NSMCE2: variants seen among roughly 807,000 people sequenced by gnomAD.
NSMCE2 encodes the protein E3 SUMO-protein ligase NSE2.
A neutral mutation model predicts 23.8 loss-of-function variants in NSMCE2; 24 were observed. The observed-to-expected ratio is 1.01, with a 90% CI of 0.73 to 1.42. The LOEUF is 1.42. Among genes scored for constraint, NSMCE2 ranks in the 40% most tolerant of loss-of-function variants. The pLI is 0.00. For missense variants in NSMCE2, 284 were observed against 296.5 expected (o/e 0.96, Z 0.31); for synonymous variants, 92 against 94.1 (o/e 0.98, Z 0.13).
chr8:125,269,049 C>G (rs1490765107), intron 5 of NSMCE2, among the ~76,000 whole-genome samples: 3 of 151,932 alleles, frequency 2.0e-5, no homozygotes, highest in African/African-American at 4.8e-5. Context: ...TGCTTATTAC[C>G]CAAAATGGAT....
At chr8:125,255,915 C>A (rs144307876) in intron 5 of NSMCE2, among the ~76,000 whole-genome samples, 1 of 151,934 alleles carries the variant, frequency 6.6e-6, no homozygotes, top group Admixed American at 6.6e-5. Flanking sequence ...ATTAAGACTG[C>A]GAGGGTGAGG....
At chr8:125,274,560 G>A (rs1015478692) in intron 5 of NSMCE2, among the ~76,000 whole-genome samples, 9 of 151,986 alleles carry the variant, frequency 5.9e-5, no homozygotes, top group Admixed American at 1.3e-4. Flanking sequence ...ATTTTTATTT[G>A]CCTATTTAGG....
chr8:125,144,153 C>T (rs7827336), intron 3 of NSMCE2, among the ~76,000 whole-genome samples: 5 of 152,088 alleles, frequency 3.3e-5, no homozygotes, highest in Non-Finnish European at 7.4e-5. Flanking sequence ...CATGTACTAC[C>T]GGACCTGTTT....
At chr8:125,308,322 G>A (rs976584407) in intron 5 of NSMCE2, among the ~76,000 whole-genome samples, 1 of 152,006 alleles carries the variant, frequency 6.6e-6, no homozygotes, top group East Asian at 1.9e-4. Flanking sequence ...GTTTTGGGGG[G>A]AAAAAATCCT....
chr8:125,271,426 A>G (rs1282299481), intron 5 of NSMCE2, among the ~76,000 whole-genome samples: 1 of 152,208 alleles, frequency 6.6e-6, no homozygotes, highest in Non-Finnish European at 1.5e-5. Context: ...TGGAAGAGAT[A>G]GGTGGAAATA....
At chr8:125,346,284 G>T (rs1282472841) in intron 5 of NSMCE2, among the ~76,000 whole-genome samples, 1 of 152,214 alleles carries the variant, frequency 6.6e-6, no homozygotes, top group East Asian at 1.9e-4. Flanking sequence ...AAATGTTGGG[G>T]GTTTGAAGTA....
chr8:125,364,529 T>A (rs1005842424), intron 7 of NSMCE2, among the ~76,000 whole-genome samples: 3 of 152,222 alleles, frequency 2.0e-5, no homozygotes, highest in African/African-American at 7.2e-5. Flanking sequence ...CAGAGCTCTG[T>A]GTGGGCAGGA....
chr8:125,170,376 CTTTTTTTTTTTTTTTTTT>C (rs565593006), intron 4 of NSMCE2, among the ~76,000 whole-genome samples: 1,335 of 37,848 alleles, frequency 0.035, 28 homozygotes, highest in Non-Finnish European at 0.047. Context: ...CTCTTTATTT[CTTTTTTTTTTTTTTTTTT>C]TTTTTTTTTT....
chr8:125,108,899 T>G (rs1352979630), intron 3 of NSMCE2, among the ~76,000 whole-genome samples: 5 of 152,188 alleles, frequency 3.3e-5, no homozygotes, highest in Non-Finnish European at 5.9e-5. Context: ...GCCTATAATG[T>G]GATGCTTTGC....
Position 125,330,177 on chromosome 8 carries a change from C to CTTTTTTT in NSMCE2, c.419-27039_419-27038insTTTTTTT, listed in dbSNP as rs34345598. ...AAACAGAACTAACTTTTTCTTTTTT[C>CTTTTTTT]TTTCTTTTTTTTTTTTTTTGAGACA... On this transcript the variant is annotated intron_variant, in intron 5 of 7. Transcript: ENST00000287437. Among the ~76,000 whole-genome samples the CTTTTTTT allele has an allele frequency of 2.6e-4, 31 of 119,108 alleles. 3 individuals carry two copies. Among genetic ancestry groups the CTTTTTTT allele is most frequent in the Non-Finnish European group, 4.1e-4 (25 of 61,524 alleles). The allele number at this position is 119,108 out of a possible 152,430, so 78.1% of individuals were successfully genotyped here.
intron 4 of NSMCE2, among the ~76,000 whole-genome samples, chr8:125,159,741 C>G (rs757648765): frequency 2.0e-5 from 3 of 152,156 alleles, no homozygotes; most frequent in Non-Finnish European, 2.9e-5. Context: ...TGGTGGATCA[C>G]TTGCGGTCAG....
At chr8:125,340,164 G>A (rs1224845603) in intron 5 of NSMCE2, among the ~76,000 whole-genome samples, 5 of 151,702 alleles carry the variant, frequency 3.3e-5, no homozygotes, top group East Asian at 1.9e-4. Flanking sequence ...ACAGGCGCCC[G>A]CCATCACGCC....
intron 4 of NSMCE2, among the ~76,000 whole-genome samples, chr8:125,160,579 A>G (rs1005563183): frequency 2.0e-5 from 3 of 152,220 alleles, no homozygotes; most frequent in African/African-American, 7.2e-5. Flanking sequence ...ACATTTGGCC[A>G]GCTGCATTTG....
chr8:125,341,185 G>C (rs1001789718), intron 5 of NSMCE2, among the ~76,000 whole-genome samples: 1 of 152,132 alleles, frequency 6.6e-6, no homozygotes, highest in Non-Finnish European at 1.5e-5. Flanking sequence ...GATGCTGCGG[G>C]AGGGGCACTC....
rs547264076 is a variant in NSMCE2 at position 125,172,789 on chromosome 8, T to G, written c.265-9314T>G. ...TTGCTATTGGTTCTGAATCCAAAGT[T>G]GGTATTTTTAATTCCCTTCCTCCAC... is the stretch of plus-strand genomic sequence containing the variant. On this transcript the variant is annotated intron_variant, in intron 4 of 7. Coordinates refer to ENST00000287437, the MANE Select transcript of NSMCE2 (RefSeq NM_173685.4). 1.1e-4 allele frequency among the ~76,000 whole-genome samples: 17 copies of G among 152,360 alleles called. No homozygotes were observed. In the South Asian group the frequency reaches 3.5e-3, roughly 32 times the overall value.
intron 3 of NSMCE2, among the ~76,000 whole-genome samples, chr8:125,105,640 G>A (rs1007156317): frequency 3.3e-5 from 5 of 152,152 alleles, no homozygotes; most frequent in Non-Finnish European, 7.4e-5. Context: ...TTTCAACTCT[G>A]TAGGCCATGT....
chr8:125,261,002 G>A lies in NSMCE2; in HGVS notation c.418+78746G>A, dbSNP rs567045019. ...TAGGTATATTATGCCATACATAAGT[G>A]TATTGGATGAAGCTGACAGAGAAAA... On this transcript the variant is annotated intron_variant, in intron 5 of 7. Coordinates refer to ENST00000287437, the MANE Select transcript of NSMCE2 (RefSeq NM_173685.4). 2.0e-5 allele frequency among the ~76,000 whole-genome samples: 3 copies of A among 152,268 alleles called. No homozygotes were observed. The East Asian group carries it at 5.8e-4, about 29-fold the overall frequency.
At chr8:125,349,010 A>AAAAC (rs1812909283) in intron 5 of NSMCE2, 1 of 129,348 alleles carries the variant, frequency 7.7e-6, no homozygotes, top group Non-Finnish European at 1.6e-5. Flanking sequence ...CTCAAAGCAA[A>AAAAC]ACACACACAC....
chr8:125,362,769 G>A (rs1813612846), intron 7 of NSMCE2, among the ~76,000 whole-genome samples: 1 of 152,184 alleles, frequency 6.6e-6, no homozygotes, highest in African/African-American at 2.4e-5. Context: ...TCTACCATCA[G>A]AGTCTATCTC....
Sources: gnomAD v4.1 joint callset for allele counts (sites outside exome capture counted in the v4.1 genomes callset) on GRCh38, gnomAD v4.1.1 for gene constraint, MANE v1.5 for transcripts, NCBI Gene and HGNC (gene_info 2026-07-23, HGNC 2026-07-21) for gene names.